The following EXT1 variants were observed in gnomAD, a reference collection of about 807,000 sequenced individuals.
EXT1 encodes exostosin glycosyltransferase 1.
Under a neutral mutation model 82.5 loss-of-function variants are expected in EXT1, and 20 were observed. The observed-to-expected ratio is 0.24, with a 90% CI of 0.17 to 0.35. EXT1 has a LOEUF of 0.35. EXT1 is among the 10% of genes least tolerant of loss of function. EXT1 has a pLI of 1.00. For synonymous variants in EXT1, 348 were observed against 350.8 expected (o/e 0.99, Z 0.09); for missense variants, 757 against 936.5 (o/e 0.81, Z 2.50).
chr8:117,962,665 A>G (rs1814724377), intron 1 of EXT1, among the ~76,000 whole-genome samples: 1 of 151,980 alleles, frequency 6.6e-6, no homozygotes, highest in Non-Finnish European at 1.5e-5. Context: ...AGGCAGGAGG[A>G]TTGCTTGGGG....
intron 1 of EXT1, among the ~76,000 whole-genome samples, chr8:117,950,287 T>A (rs1382465177): frequency 6.6e-6 from 1 of 152,172 alleles, no homozygotes. Context: ...AGGAAAGTTC[T>A]AGTAGTCTTG....
chr8:118,089,761 G>A (rs976967977), intron 1 of EXT1, among the ~76,000 whole-genome samples: 2 of 152,208 alleles, frequency 1.3e-5, no homozygotes, highest in Non-Finnish European at 2.9e-5. Flanking sequence ...GTGCTAGAAG[G>A]GTTTCACTTA....
chr8:118,100,867 C>A (rs1282281278), intron 1 of EXT1, among the ~76,000 whole-genome samples: 2 of 152,124 alleles, frequency 1.3e-5, no homozygotes, highest in Non-Finnish European at 2.9e-5. Flanking sequence ...TCCCCCTCAA[C>A]TGCTTCCACC....
chr8:118,039,208 G>A (rs1816481263), intron 1 of EXT1, among the ~76,000 whole-genome samples: 1 of 152,148 alleles, frequency 6.6e-6, no homozygotes, highest in Non-Finnish European at 1.5e-5. Context: ...GTGTATGTAG[G>A]CTCAGATAAT....
chr8:117,973,877 AAAGGAAAGG>A (rs754511310), intron 1 of EXT1, among the ~76,000 whole-genome samples: 10,878 of 118,318 alleles, frequency 0.092, 1,654 homozygotes, highest in South Asian at 0.13. Flanking sequence ...AAAGGAAAGG[AAAGGAAAGG>A]AAGGAAAGGA....
chr8:118,023,337 G>A (rs1163377608), intron 1 of EXT1, among the ~76,000 whole-genome samples: 1 of 152,198 alleles, frequency 6.6e-6, no homozygotes, highest in Non-Finnish European at 1.5e-5. Flanking sequence ...TATTAAGAAA[G>A]ACCATTCCTG....
At chr8:117,957,498 A>T (rs17453399) in intron 1 of EXT1, among the ~76,000 whole-genome samples, 5,148 of 152,250 alleles carry the variant, frequency 0.034, 130 homozygotes, top group South Asian at 0.05. Context: ...CCCCAACGGG[A>T]GACAGACACT....
At chr8:118,072,790 C>T (rs915841184) in intron 1 of EXT1, among the ~76,000 whole-genome samples, 1 of 152,114 alleles carries the variant, frequency 6.6e-6, no homozygotes, top group African/African-American at 2.4e-5. Flanking sequence ...AGGCATTTAA[C>T]AAAATGTTTC....
At position 118,110,275 on chromosome 8, in the gene EXT1, G is replaced by A. The variant is rs768201929; in HGVS notation, c.772C>T (p.Pro258Ser). Residue 258 changes from proline (P) to serine (S), a missense_variant, in exon 1 of 11, where the codon CCT (proline) becomes TCT (serine). Physicochemically the swap from Pro to Ser is moderately conservative, Grantham distance 74 (BLOSUM62 -1). Coordinates refer to ENST00000378204, the MANE Select transcript of EXT1 (RefSeq NM_000127.3). ...RGFLKFNTIPPLRKYMLVFKG... is the reference protein window; with the variant it reads ...RGFLKFNTIPSLRKYMLVFKG... ...AATACCAGCATGTACTTCCTGAGAG[G>A]AGGGATGGTGTTGAACTTCAAAAAC... is the stretch of plus-strand genomic sequence containing the variant. The A allele has an allele frequency of 3.7e-6, 6 of 1,613,966 alleles. No individual in the cohort carries two copies. In the African/African-American group the frequency reaches 5.3e-5, roughly 14 times the overall value.
intron 2 of EXT1, among the ~76,000 whole-genome samples, chr8:117,836,496 G>T (rs1232731272): frequency 6.6e-6 from 1 of 152,196 alleles, no homozygotes; most frequent in Non-Finnish European, 1.5e-5. Flanking sequence ...GAGAGGTTGA[G>T]GGCATGCTTT....
At chr8:117,835,330 C>A (rs1812171119) in intron 3 of EXT1, 114 bp downstream of exon 3, 1 of 779,058 alleles carries the variant, frequency 1.3e-6, no homozygotes, top group South Asian at 1.5e-5. Context: ...AGGTAATTTT[C>A]TCCTGATAAG....
chr8:117,978,775 C>T (rs1320529010), intron 1 of EXT1, among the ~76,000 whole-genome samples: 2 of 152,186 alleles, frequency 1.3e-5, no homozygotes, highest in African/African-American at 2.4e-5. Context: ...GGGGTATCCC[C>T]GTTCACTCTC....
At chr8:117,864,004 C>G (rs1263425324) in intron 1 of EXT1, among the ~76,000 whole-genome samples, 1 of 152,126 alleles carries the variant, frequency 6.6e-6, no homozygotes, top group Non-Finnish European at 1.5e-5. Flanking sequence ...ACAATTCATT[C>G]CAATCTCTTC....
intron 1 of EXT1, among the ~76,000 whole-genome samples, chr8:117,872,882 T>C (rs1048675440): frequency 6.7e-6 from 1 of 150,148 alleles, no homozygotes; most frequent in Non-Finnish European, 1.5e-5. Flanking sequence ...GAAGCCAAGA[T>C]GGGATTTTTA....
At chr8:117,924,130 TAACTGGGTGATTCATATGGCC>T (rs1409087965) in intron 1 of EXT1, among the ~76,000 whole-genome samples, 1 of 152,120 alleles carries the variant, frequency 6.6e-6, no homozygotes, top group Non-Finnish European at 1.5e-5. Context: ...TTTAAGAAAA[TAACTGGGTGATTCATATGGCC>T]AACTCTAAAA....
rs17450403 is a variant in EXT1, at chr8:117,806,338, G to A, written c.1883+879C>T. 6.0e-4 allele frequency among the ~76,000 whole-genome samples: 91 copies of A among 152,306 alleles called. No individual in the cohort carries two copies. In the East Asian group the frequency reaches 0.017, roughly 29 times the overall value. ...CTTAGAGAAAAAGTCAAGTCTTCATGATGGACATCAAGGTCCTGCAGGATT... is the reference window on the plus strand; with the variant it reads ...CTTAGAGAAAAAGTCAAGTCTTCATAATGGACATCAAGGTCCTGCAGGATT... On this transcript the variant is annotated intron_variant, in intron 9 of 10. Transcript: ENST00000378204.
At chr8:117,904,307 G>A (rs924126301) in intron 1 of EXT1, among the ~76,000 whole-genome samples, 2 of 150,588 alleles carry the variant, frequency 1.3e-5, no homozygotes, top group Non-Finnish European at 3.0e-5. Flanking sequence ...TCTTAGTTTA[G>A]TTTTATTTTT....
At chr8:117,809,610 G>A (rs867970116) in intron 8 of EXT1, among the ~76,000 whole-genome samples, 3 of 150,430 alleles carry the variant, frequency 2.0e-5, no homozygotes, top group South Asian at 2.1e-4. Flanking sequence ...GCCCCCTATC[G>A]TGGGCGGCAG....
chr8:117,957,775 C>T (rs1307382833), intron 1 of EXT1, among the ~76,000 whole-genome samples: 2 of 152,086 alleles, frequency 1.3e-5, no homozygotes, highest in African/African-American at 2.4e-5. Context: ...AAGGAGTAAA[C>T]AAAGTTTATT....
Sources: gnomAD v4.1 joint callset for allele counts (sites outside exome capture counted in the v4.1 genomes callset) on GRCh38, gnomAD v4.1.1 for gene constraint, MANE v1.5 for transcripts, NCBI Gene and HGNC (gene_info 2026-07-23, HGNC 2026-07-21) for gene names.